DHX8: variants seen among roughly 807,000 people sequenced by gnomAD.
The protein encoded by DHX8 is ATP-dependent RNA helicase DHX8.
A neutral mutation model predicts 140.7 loss-of-function variants in DHX8; 67 were observed. The observed-to-expected ratio is 0.48, with a 90% confidence interval of 0.39 to 0.58. The LOEUF (loss-of-function observed/expected upper bound fraction) is 0.58, where lower values mean the gene tolerates loss of function less well. Among genes scored for constraint, DHX8 ranks in the 20% least tolerant of loss-of-function variants. The pLI is 0.00. For missense variants in DHX8, 887 were observed against 1,550.7 expected, an observed-to-expected ratio of 0.57 and a Z score of 7.19; for synonymous variants, 533 against 553.2, an observed-to-expected ratio of 0.96 and a Z score of 0.51.
chr17:43,537,563 G>A (rs1332513946), intron 3 of DHX8, among the ~76,000 whole-genome samples: 1 of 151,538 alleles, frequency 6.6e-6, no homozygotes, highest in Non-Finnish European at 1.5e-5. Flanking sequence ...AGGCGTGGCG[G>A]TGGGCACCTG....
At chr17:43,542,565 G>T (rs1011647186) in intron 3 of DHX8, among the ~76,000 whole-genome samples, 1 of 151,954 alleles carries the variant, frequency 6.6e-6, no homozygotes, top group African/African-American at 2.4e-5. Context: ...CAGATCCCAG[G>T]CACCCCCAAA....
rs1440220866 is a variant in DHX8, at chr17:43,484,079, G to A, written c.42G>A (p.Ser14=). ...CCATGGCGGGAGCCTTAATCGGGTC[G>A]GAGCCAGGCCCCGCGGAAGAACTTG... ...AVAMAGALIG[S]EPGPAEELAK... is the part of the protein sequence containing the mutation. Residue 14 remains serine (S), a synonymous_variant, in exon 1 of 23, where the codon TCG becomes TCA. Transcript: ENST00000262415. The A allele has an allele frequency of 6.2e-7, 1 of 1,614,152 alleles. No individual in the cohort carries two copies. Among genetic ancestry groups the A allele is most frequent in the Admixed American group, 1.7e-5 (1 of 60,014 alleles).
chr17:43,511,011 C>G (rs1019766343), intron 16 of DHX8, among the ~76,000 whole-genome samples: 5 of 152,072 alleles, frequency 3.3e-5, no homozygotes, highest in African/African-American at 1.2e-4. Flanking sequence ...GGGCACAACA[C>G]ATTTTGTTTA....
intron 11 of DHX8, among the ~76,000 whole-genome samples, chr17:43,502,913 G>A (rs1235330952): frequency 6.6e-6 from 1 of 152,092 alleles, no homozygotes. Flanking sequence ...TTTGGCCTCT[G>A]CCTAAGCTCA....
chr17:43,534,139 C>A (rs557917598), intron 2 of DHX8, among the ~76,000 whole-genome samples: 1 of 152,178 alleles, frequency 6.6e-6, no homozygotes, highest in Non-Finnish European at 1.5e-5. Context: ...CGCAGTGAGA[C>A]AAGAACATTT....
In DHX8 at chr17:43,493,824, G is replaced by A. The variant is rs772793540; in HGVS notation, c.1150G>A (p.Asp384Asn). The change falls in exon 8 of 23, where the codon GAC (aspartate) becomes AAC (asparagine). Residue 384 changes from aspartate to asparagine, a missense_variant. Asp to Asn is a conservative substitution (Grantham distance 23). Coordinates refer to ENST00000262415, the MANE Select transcript of DHX8 (RefSeq NM_004941.3). ...TGTCAGTGCTCCTGAAGTAGAGGAC[G>A]ACTCACTGGAACGCAAGCGCCTCAC... is the stretch of plus-strand genomic sequence containing the variant. ...SLVSAPEVED[D>N]SLERKRLTRI... 5 of 1,614,160 alleles carry A rather than the reference G, an allele frequency of 3.1e-6. No homozygotes were observed. The highest frequency in any genetic ancestry group is 1.1e-5 in the South Asian group (1 of 91,060).
Position 43,493,830 on chromosome 17 carries a change from C to T in DHX8, c.1156C>T (p.Leu386=). Residue 386 remains leucine, a synonymous_variant, in exon 8 of 23, where the codon CTG becomes TTG. Coordinates refer to ENST00000262415, the MANE Select transcript of DHX8 (RefSeq NM_004941.3). ...TGCTCCTGAAGTAGAGGACGACTCA[C>T]TGGAACGCAAGCGCCTCACCCGAAT... The part of the protein sequence containing the change: ...VSAPEVEDDS[L]ERKRLTRISD... 1 of 1,614,216 alleles carries T rather than the reference C, an allele frequency of 6.2e-7. No homozygotes were observed.
Position 43,513,391 on chromosome 17 carries a change from A to G in DHX8, c.2532A>G (p.Thr844=), listed in dbSNP as rs923809378. 6 of 1,613,592 alleles carry G rather than the reference A, an allele frequency of 3.7e-6. No individual in the cohort carries two copies. Among genetic ancestry groups the G allele is most frequent in the Admixed American group, 1.7e-5 (1 of 59,922 alleles). The change falls in exon 17 of 23, where the codon ACA becomes ACG. Residue 844 remains threonine, a synonymous_variant. Coordinates refer to ENST00000262415, the MANE Select transcript of DHX8 (RefSeq NM_004941.3). Reference sequence around the variant, plus strand: ...TGATTGCCACCAATATCGCAGAGACATCGCTGACTATTGATGGTATCTACT... The same window carrying G: ...TGATTGCCACCAATATCGCAGAGACGTCGCTGACTATTGATGGTATCTACT... ...KVVIATNIAE[T]SLTIDGIYYV... is the part of the protein sequence containing the mutation.
In DHX8 at chr17:43,489,444, T is replaced by G; in HGVS notation, c.149-5T>G. ...TCTTTTCTGAATTCTGTTTCTTATT[T>G]GCAGCTGAATTTGTGATCAGTCTTG... On this transcript the variant is annotated splice_region_variant and splice_polypyrimidine_tract_variant and intron_variant, in intron 1 of 22. Coordinates refer to ENST00000262415, the MANE Select transcript of DHX8 (RefSeq NM_004941.3). The G allele has an allele frequency of 6.3e-7, 1 of 1,594,544 alleles. No homozygotes were observed. The highest frequency in any genetic ancestry group is 8.6e-7 in the Non-Finnish European group (1 of 1,167,716).
intron 11 of DHX8, among the ~76,000 whole-genome samples, chr17:43,503,421 TG>T (rs749209381): frequency 2.0e-5 from 3 of 151,234 alleles, no homozygotes; most frequent in African/African-American, 7.3e-5. Flanking sequence ...CACTTGAACC[TG>T]GGAGGCGGAG....
intron 11 of DHX8, among the ~76,000 whole-genome samples, chr17:43,500,460 C>G (rs907629258): frequency 6.6e-6 from 1 of 151,848 alleles, no homozygotes; most frequent in African/African-American, 2.4e-5. Context: ...GTACTCCAGC[C>G]TGGGTGATAG....
intron 9 of DHX8, among the ~76,000 whole-genome samples, chr17:43,498,085 A>G (rs1395455478): frequency 6.6e-6 from 1 of 151,738 alleles, no homozygotes; most frequent in African/African-American, 2.4e-5. Flanking sequence ...TGATGGGGGA[A>G]TAGTCACCTG....
downstream of DHX8, chr17:43,528,406 G>A (rs1348998685): frequency 2.8e-6 from 2 of 718,082 alleles, no homozygotes; most frequent in Non-Finnish European, 2.3e-6. Context: ...GGACAGTGGG[G>A]ATCTGCCCCA....
intron 3 of DHX8, among the ~76,000 whole-genome samples, chr17:43,541,837 A>T (rs1341654875): frequency 1.3e-5 from 2 of 152,122 alleles, no homozygotes; most frequent in Non-Finnish European, 2.9e-5. Context: ...AGTCTTCAGG[A>T]AGGGGAAGAG....
chr17:43,497,326 A>G (rs1010348341), intron 9 of DHX8, among the ~76,000 whole-genome samples: 10 of 152,044 alleles, frequency 6.6e-5, no homozygotes, highest in Middle Eastern at 3.4e-3. Context: ...TAATTTATCC[A>G]TTTTACTTTT....
At position 43,492,695 on chromosome 17, in the gene DHX8, A is replaced by G; in HGVS notation, c.518A>G (p.Lys173Arg). 1 of 1,570,586 alleles carries G rather than the reference A, an allele frequency of 6.4e-7. No homozygotes were observed. The highest frequency in any genetic ancestry group is 1.1e-5 in the South Asian group (1 of 90,242). ...RDAEHRDRTK[K>R]KKRSRSRDRN... ...TGATTTGTTAGGGACAGGACAAAGA[A>G]GAAGAAGCGGAGTCGAAGCCGAGAT... Residue 173 changes from lysine to arginine, a missense_variant, in exon 6 of 23, where the codon AAG becomes AGG. Lys to Arg is a conservative substitution (Grantham distance 26). Around this residue, in one of 9 missense-constraint regions of DHX8, gnomAD observed 304 missense variants for 306.9 expected, o/e 0.99. Transcript: ENST00000262415.
At chr17:43,529,206 G>T (rs369223687), downstream of DHX8, 6 of 1,613,894 alleles carry the variant, frequency 3.7e-6, no homozygotes, top group East Asian at 1.3e-4. Flanking sequence ...ATGGCTGGCC[G>T]GTTCTTCTGG....
chr17:43,490,716 A>AG (rs1356917593), intron 3 of DHX8, among the ~76,000 whole-genome samples: 7 of 152,164 alleles, frequency 4.6e-5, no homozygotes, highest in African/African-American at 1.7e-4. Flanking sequence ...CTACAAAAAA[A>AG]TAAAAAAATT....
chr17:43,541,084 G>A lies in DHX8; in HGVS notation c.*21-3078G>A, dbSNP rs115647045. 2.2e-3 allele frequency among the ~76,000 whole-genome samples: 334 copies of A among 152,256 alleles called. 2 individuals carry two copies. The highest frequency in any genetic ancestry group is 7.6e-3 in the African/African-American group (316 of 41,552). On this transcript the variant is annotated intron_variant, in intron 3 of 3. Transcript: ENST00000589898. The stretch of plus-strand genomic sequence containing the variant: ...ACCCCTCCAGGCCCGGAATCCAGGA[G>A]GAGGCTTCCTCCAGCACACAGACCA...
Sources: gnomAD v4.1 joint callset for allele counts (sites outside exome capture counted in the v4.1 genomes callset) on GRCh38, gnomAD v4.1.1 for gene constraint, gnomAD v4.1.1 regional missense constraint, MANE v1.5 for transcripts, NCBI Gene and HGNC (gene_info 2026-07-23, HGNC 2026-07-21) for gene names.